Variants in CCDC192 observed in about 807,000 individuals in gnomAD.
CCDC192 encodes the protein coiled-coil domain-containing protein 192.
At chr5:127,865,159 T>A (rs957087276) in intron 5 of CCDC192, among the ~76,000 whole-genome samples, 1 of 151,976 alleles carries the variant, frequency 6.6e-6, no homozygotes, top group Non-Finnish European at 1.5e-5. Context: ...ATTAAAAAAA[T>A]AAATAAATAA....
intron 5 of CCDC192, among the ~76,000 whole-genome samples, chr5:127,840,048 A>G (rs1333254680): frequency 6.6e-6 from 1 of 152,186 alleles, no homozygotes; most frequent in Non-Finnish European, 1.5e-5. Flanking sequence ...TTGCAGACTC[A>G]CTTAGGATGG....
At chr5:127,824,138 C>T (rs967217167) in intron 5 of CCDC192, among the ~76,000 whole-genome samples, 29 of 152,254 alleles carry the variant, frequency 1.9e-4, no homozygotes, top group African/African-American at 6.3e-4. Flanking sequence ...TCTTCAAGGA[C>T]AGGATGAAGG....
chr5:127,908,239 C>G (rs1753252322), intron 6 of CCDC192, among the ~76,000 whole-genome samples: 2 of 152,100 alleles, frequency 1.3e-5, no homozygotes, highest in Admixed American at 1.3e-4. Flanking sequence ...GGGAAATGCT[C>G]AAAACATACT....
At chr5:127,938,870 G>A (rs1754265756) in intron 6 of CCDC192, among the ~76,000 whole-genome samples, 1 of 152,100 alleles carries the variant, frequency 6.6e-6, no homozygotes, top group African/African-American at 2.4e-5. Flanking sequence ...TGGCACATCA[G>A]GAGATGAGGA....
At chr5:127,744,072 C>A (rs1356534006) in intron 2 of CCDC192, among the ~76,000 whole-genome samples, 1 of 134,118 alleles carries the variant, frequency 7.5e-6, no homozygotes, top group Non-Finnish European at 1.5e-5. Flanking sequence ...CCAGCCTGGG[C>A]TACAGAGCGA....
intron 5 of CCDC192, among the ~76,000 whole-genome samples, chr5:127,863,075 A>G (rs1458461170): frequency 6.6e-6 from 1 of 152,232 alleles, no homozygotes; most frequent in Non-Finnish European, 1.5e-5. Context: ...TTTAAGGCCT[A>G]TGTGCCTCTT....
chr5:127,935,639 C>T (rs1212178712), intron 6 of CCDC192: 3 of 152,168 alleles, frequency 2.0e-5, no homozygotes, highest in African/African-American at 7.2e-5. Context: ...AGTGATGCCC[C>T]ACTGTTTTCC....
chr5:127,849,087 G>A (rs1025127299), intron 5 of CCDC192, among the ~76,000 whole-genome samples: 2 of 152,108 alleles, frequency 1.3e-5, no homozygotes, highest in African/African-American at 2.4e-5. Context: ...AAAATTAGCA[G>A]GGCGTGGTGA....
chr5:127,745,009 A>T (rs1222930846), intron 2 of CCDC192, among the ~76,000 whole-genome samples: 2 of 152,210 alleles, frequency 1.3e-5, no homozygotes, highest in African/African-American at 4.8e-5. Flanking sequence ...TATTGCTCAA[A>T]GAAGTCACTG....
intron 6 of CCDC192, among the ~76,000 whole-genome samples, chr5:127,900,880 G>A (rs1753019250): frequency 6.6e-6 from 1 of 152,120 alleles, no homozygotes; most frequent in African/African-American, 2.4e-5. Context: ...ATCTATTTGA[G>A]TGAAAAATAA....
At chr5:127,731,925 A>C (rs558814378) in intron 2 of CCDC192, among the ~76,000 whole-genome samples, 1 of 152,324 alleles carries the variant, frequency 6.6e-6, no homozygotes, top group South Asian at 2.1e-4. Flanking sequence ...TCTAGGCAAT[A>C]CCATTCAGGA....
intron 5 of CCDC192, among the ~76,000 whole-genome samples, chr5:127,853,225 A>T (rs1338252745): frequency 6.6e-6 from 1 of 152,238 alleles, no homozygotes; most frequent in African/African-American, 2.4e-5. Context: ...ACCTCATTCC[A>T]GGGACTATCT....
At chr5:127,815,163 G>T (rs767949097) in intron 5 of CCDC192, among the ~76,000 whole-genome samples, 15 of 152,288 alleles carry the variant, frequency 9.8e-5, no homozygotes, top group Non-Finnish European at 2.2e-4. Flanking sequence ...TTTCAGATCT[G>T]TGTGGTGTAT....
intron 6 of CCDC192, among the ~76,000 whole-genome samples, chr5:127,912,512 CTCTGGGAAGCCAAGGGCT>C (rs1389545508): frequency 8.2e-5 from 12 of 147,204 alleles, no homozygotes; most frequent in Non-Finnish European, 1.5e-4. Context: ...TTAGAGCTTA[CTCTGGGAAGCCAAGGGCT>C]TCTGCACTTG....
intron 6 of CCDC192, among the ~76,000 whole-genome samples, chr5:127,915,295 A>C (rs1341677427): frequency 6.6e-6 from 1 of 152,218 alleles, no homozygotes; most frequent in Non-Finnish European, 1.5e-5. Flanking sequence ...AGCAAGTCCT[A>C]ATCTTTTTGC....
At chr5:127,764,831 G>C (rs1228790424) in intron 3 of CCDC192, among the ~76,000 whole-genome samples, 1 of 152,136 alleles carries the variant, frequency 6.6e-6, no homozygotes, top group Non-Finnish European at 1.5e-5. Flanking sequence ...GGCCACATGT[G>C]GCCCACGGGC....
At chr5:127,710,335 T>C (rs1751252096) in intron 2 of CCDC192, among the ~76,000 whole-genome samples, 1 of 152,044 alleles carries the variant, frequency 6.6e-6, no homozygotes, top group African/African-American at 2.4e-5. Flanking sequence ...TGGATCTCAG[T>C]TGCCTCTTTT....
intron 2 of CCDC192, among the ~76,000 whole-genome samples, chr5:127,709,065 G>A (rs1372442915): frequency 2.7e-5 from 4 of 149,216 alleles, no homozygotes; most frequent in Admixed American, 6.8e-5. Context: ...TTAGGCTTTC[G>A]GAAAGGGGTG....
intron 3 of CCDC192, among the ~76,000 whole-genome samples, chr5:127,769,441 C>G (rs1035375421): frequency 7.4e-5 from 11 of 149,160 alleles, no homozygotes; most frequent in African/African-American, 2.7e-4. Context: ...GTGTGTGTGT[C>G]TGAAGCTGAG....
Sources: allele counts gnomAD v4.1 joint callset (sites outside exome capture counted in the v4.1 genomes callset), GRCh38; gene constraint gnomAD v4.1.1; transcripts MANE v1.5; gene names NCBI Gene and HGNC (gene_info 2026-07-23, HGNC 2026-07-21).